Variants in COLGALT1 observed in about 807,000 individuals in gnomAD.
COLGALT1 encodes the protein collagen beta(1-O)galactosyltransferase 1.
Under a neutral mutation model 60.8 loss-of-function variants are expected in COLGALT1, and 43 were observed. That is an observed-to-expected ratio of 0.71 (90% confidence interval 0.55 to 0.91). COLGALT1 has a LOEUF of 0.91. Among genes scored for constraint, COLGALT1 ranks in the 40% least tolerant of loss-of-function variants. The pLI is 0.00. For synonymous variants in COLGALT1, 369 were observed against 374.2 expected, an observed-to-expected ratio of 0.99 and a Z score of 0.16; for missense variants, 845 against 880.0, an observed-to-expected ratio of 0.96 and a Z score of 0.50.
At chr19:17,580,977 C>T (rs1407600027) in intron 11 of COLGALT1, 72 bp downstream of exon 11, 14 of 1,551,856 alleles carry the variant, frequency 9.0e-6, no homozygotes, top group African/African-American at 1.4e-5. Context: ...GGATGTGAGA[C>T]TCACGGCCTC....
At chr19:17,579,679 G>T (rs2144849249) in intron 10 of COLGALT1, 70 bp downstream of exon 10, 2 of 1,468,028 alleles carry the variant, frequency 1.4e-6, no homozygotes, top group Non-Finnish European at 1.9e-6. Context: ...GGTGGGGGTG[G>T]GGGCAGGGTG....
At position 17,555,777 on chromosome 19, in the gene COLGALT1, C is replaced by T; in HGVS notation, c.64C>T (p.Leu22=). 8.1e-7 allele frequency: 1 copy of T among 1,238,576 alleles called. No individual in the cohort carries two copies. Among genetic ancestry groups the T allele is most frequent in the Non-Finnish European group, 1.0e-6 (1 of 991,832 alleles). 76.7% of individuals were successfully genotyped at this position (1,238,576 alleles called of 1,614,324 possible). ...GCCGCTCCTGGCGCTGCTGCTTCTG[C>T]TGCTGGCGCCACTGCCGCCGGGGGC... ...GQPLLALLLL[L]LAPLPPGAPP... Residue 22 remains leucine (L), a synonymous_variant, in exon 1 of 12, where the codon CTG becomes TTG. Transcript: ENST00000252599.
chr19:17,559,819 A>C (rs1599777134), intron 2 of COLGALT1, among the ~76,000 whole-genome samples: 1 of 149,874 alleles, frequency 6.7e-6, no homozygotes, highest in African/African-American at 2.5e-5. Context: ...ACAGGGTCTC[A>C]CTCCCTCACC....
rs753835481 is a variant in COLGALT1 at position 17,572,505 on chromosome 19, CAAG to C, written c.853_855del (p.Lys285del). On this transcript the variant is annotated inframe_deletion, in exon 6 of 12. Coordinates refer to ENST00000252599, the MANE Select transcript of COLGALT1 (RefSeq NM_024656.4). ...CAGAGGTTCAGATGTATGTGTGCAA[CAAG>C]GAGGAGTACGGATTCTTGCCAGTGC... 4 of 1,614,050 alleles carry C rather than the reference CAAG, an allele frequency of 2.5e-6. No individual in the cohort carries two copies. Among genetic ancestry groups the C allele is most frequent in the Non-Finnish European group, 3.4e-6 (4 of 1,180,042 alleles).
chr19:17,567,329 CT>C, intron 3 of COLGALT1, 76 bp from the exon 4 acceptor site: 1 of 1,584,836 alleles, frequency 6.3e-7, no homozygotes, highest in Non-Finnish European at 8.6e-7. Context: ...CCCCAGGGCA[CT>C]GGCCTTTGCC....
Position 17,577,953 on chromosome 19 carries a change from C to G in COLGALT1, c.1134-4C>G. 4 of 1,607,356 alleles carry G rather than the reference C, an allele frequency of 2.5e-6. No individual in the cohort carries two copies. The highest frequency in any genetic ancestry group is 2.5e-6 in the Non-Finnish European group (3 of 1,176,870). On this transcript the variant is annotated splice_polypyrimidine_tract_variant and splice_region_variant and intron_variant, in intron 8 of 11. Transcript: ENST00000252599. ...CTTCGTGACCCTCTCCTCCTCCTCT[C>G]CAGAGCCATGAACACCAGCCAGGTG... is the stretch of plus-strand genomic sequence containing the variant.
At chr19:17,563,935 A>G (rs1273882494) in intron 3 of COLGALT1, among the ~76,000 whole-genome samples, 1 of 152,016 alleles carries the variant, frequency 6.6e-6, no homozygotes, top group African/African-American at 2.4e-5. Context: ...TTGCAGGTAA[A>G]AAAAATAAAT....
chr19:17,580,730 C>A lies in COLGALT1; in HGVS notation c.1426C>A (p.His476Asn). ...GGGCCGGAAGCGGATGCAGGTGGAG[C>A]ACCCCGAGAAGGCTGTGCCTCGCGT... ...YVGRKRMQVEHPEKAVPRVRN... is the reference protein window; with the variant it reads ...YVGRKRMQVENPEKAVPRVRN... The change falls in exon 11 of 12, where the codon CAC (histidine) becomes AAC (asparagine). Residue 476 changes from histidine (H) to asparagine (N), a missense_variant. Transcript: ENST00000252599. 6.2e-7 allele frequency: 1 copy of A among 1,614,038 alleles called. No homozygotes were observed. Among genetic ancestry groups the A allele is most frequent in the Non-Finnish European group, 8.5e-7 (1 of 1,180,014 alleles).
Position 17,556,528 on chromosome 19 carries a change from G to A in COLGALT1, c.260+555G>A, listed in dbSNP as rs1312588206. 7 of 985,540 alleles carry A rather than the reference G, an allele frequency of 7.1e-6. No homozygotes were observed. In the African/African-American group the frequency reaches 1.0e-4, roughly 15 times the overall value. The allele number at this position is 985,540 out of a possible 1,614,324, so 61.0% of individuals were successfully genotyped here. A position where few individuals can be genotyped will look rare whatever the true frequency, so the allele number is the denominator to read the frequency against. On this transcript the variant is annotated intron_variant, in intron 1 of 11. Transcript: ENST00000252599. ...GAGTCCAGGACCAGATGGCCCAGGAGGAAGTGGATGCTTTCTTGGTAGGGA... is the reference window on the plus strand; with the variant it reads ...GAGTCCAGGACCAGATGGCCCAGGAAGAAGTGGATGCTTTCTTGGTAGGGA...
At chr19:17,565,463 G>C (rs1409393530) in intron 3 of COLGALT1, among the ~76,000 whole-genome samples, 2 of 152,052 alleles carry the variant, frequency 1.3e-5, no homozygotes, top group African/African-American at 2.4e-5. Context: ...CACTGCACCC[G>C]GCCTGGCTGT....
At chr19:17,577,532 G>T in intron 8 of COLGALT1, 65 bp downstream of exon 8, 2 of 1,354,692 alleles carry the variant, frequency 1.5e-6, no homozygotes, top group South Asian at 1.5e-5. Context: ...GACCTCGCTG[G>T]TAGACGGCAA....
intron 2 of COLGALT1, 52 bp from the exon 3 acceptor site, chr19:17,560,296 C>A (rs1419879461): frequency 6.0e-6 from 9 of 1,508,460 alleles, no homozygotes; most frequent in Non-Finnish European, 8.3e-6. Context: ...CAGGCCCTCG[C>A]TGGGCTTTGA....
chr19:17,562,417 C>CT (rs1474936833), intron 3 of COLGALT1, among the ~76,000 whole-genome samples: 1 of 152,088 alleles, frequency 6.6e-6, no homozygotes, highest in African/African-American at 2.4e-5. Flanking sequence ...AAATTCAGTA[C>CT]TTTGAGTGGC....
chr19:17,570,173 G>A (rs890025626), intron 5 of COLGALT1, among the ~76,000 whole-genome samples: 7 of 152,250 alleles, frequency 4.6e-5, no homozygotes, highest in East Asian at 1.9e-4. Context: ...GATTACAGGC[G>A]TGAGCCACCG....
chr19:17,564,566 G>A (rs1179539360), intron 3 of COLGALT1, among the ~76,000 whole-genome samples: 4 of 151,568 alleles, frequency 2.6e-5, no homozygotes, highest in East Asian at 3.9e-4. Context: ...ACAGGTGCCC[G>A]CCACCATGCC....
intron 3 of COLGALT1, among the ~76,000 whole-genome samples, chr19:17,566,859 A>G (rs2076282183): frequency 6.6e-6 from 1 of 152,204 alleles, no homozygotes; most frequent in African/African-American, 2.4e-5. Flanking sequence ...CATGCCTGTA[A>G]TCCCAGCACT....
chr19:17,581,043 C>A, intron 11 of COLGALT1, 134 bp from the exon 12 acceptor site: 2 of 1,383,574 alleles, frequency 1.4e-6, no homozygotes, highest in South Asian at 1.2e-5. Context: ...CCTCGCAGAT[C>A]TGTCTCCATT....
intron 1 of COLGALT1, among the ~76,000 whole-genome samples, chr19:17,558,820 G>T (rs757130236): frequency 6.6e-6 from 1 of 151,930 alleles, no homozygotes; most frequent in Non-Finnish European, 1.5e-5. Flanking sequence ...CAGTAAACTG[G>T]GTCCTGTTCC....
At chr19:17,561,785 A>T (rs140061568) in intron 3 of COLGALT1, among the ~76,000 whole-genome samples, 1 of 152,268 alleles carries the variant, frequency 6.6e-6, no homozygotes, top group East Asian at 1.9e-4. Context: ...CCATCCCCTA[A>T]ATAATATACA....
Sources: gnomAD v4.1 joint callset for allele counts (sites outside exome capture counted in the v4.1 genomes callset) on GRCh38, gnomAD v4.1.1 for gene constraint, MANE v1.5 for transcripts, NCBI Gene and HGNC (gene_info 2026-07-23, HGNC 2026-07-21) for gene names.